Variants in VWC2L observed in about 807,000 individuals in gnomAD.
VWC2L encodes the protein von Willebrand factor C domain-containing protein 2-like.
Under a neutral mutation model 21.6 loss-of-function variants are expected in VWC2L, and 10 were observed. The ratio of observed to expected loss-of-function variants is 0.46; its 90% CI spans 0.29 to 0.78. The LOEUF is 0.78. Among genes scored for constraint, VWC2L ranks in the 30% least tolerant of loss-of-function variants. The pLI is 0.10. For synonymous variants in VWC2L, 96 were observed against 94.3 expected, an observed-to-expected ratio of 1.02 and a Z score of -0.10; for missense variants, 209 against 277.1, an observed-to-expected ratio of 0.75 and a Z score of 1.74.
chr2:214,470,351 A>C (rs999234169), intron 3 of VWC2L, among the ~76,000 whole-genome samples: 5 of 152,160 alleles, frequency 3.3e-5, no homozygotes, highest in African/African-American at 1.2e-4. Flanking sequence ...AAATTAAATG[A>C]GTACATATTC....
chr2:214,536,579 T>G (rs949746353), intron 3 of VWC2L, among the ~76,000 whole-genome samples: 2 of 152,116 alleles, frequency 1.3e-5, no homozygotes, highest in East Asian at 3.9e-4. Flanking sequence ...TTATGCTTTT[T>G]GTGGAAAAAC....
chr2:214,517,769 G>T (rs1184940104), intron 3 of VWC2L, among the ~76,000 whole-genome samples: 1 of 152,160 alleles, frequency 6.6e-6, no homozygotes, highest in Non-Finnish European at 1.5e-5. Context: ...TTGGTTAAAA[G>T]ATGCCAAAAA....
chr2:214,527,763 C>T (rs1365806744), intron 3 of VWC2L, among the ~76,000 whole-genome samples: 1 of 152,066 alleles, frequency 6.6e-6, no homozygotes, highest in Non-Finnish European at 1.5e-5. Flanking sequence ...ATTTTATTGC[C>T]TCAAAGTACC....
chr2:214,577,200 C>A lies in VWC2L; in HGVS notation c.*1380C>A, dbSNP rs1690243735. 1 of 152,198 alleles carries A rather than the reference C, an allele frequency of 6.6e-6. No homozygotes were observed. Among genetic ancestry groups the A allele is most frequent in the Admixed American group, 6.5e-5 (1 of 15,278 alleles). The allele number at this position is 152,198 out of a possible 1,614,324, so 9.4% of individuals were successfully genotyped here. On this transcript the variant is annotated 3_prime_UTR_variant, in exon 4 of 4. Transcript: ENST00000312504. ...AGATCTGATAGGGTCCTTGAAGAGA[C>A]TTTACAGTTGTCTTTATTATCAATG...
intron 3 of VWC2L, among the ~76,000 whole-genome samples, chr2:214,520,751 A>C (rs1481847283): frequency 1.3e-5 from 2 of 152,222 alleles, no homozygotes; most frequent in African/African-American, 4.8e-5. Context: ...GCATTAAAAC[A>C]AAGAATACAA....
chr2:214,512,092 G>T (rs1295785335), intron 3 of VWC2L, among the ~76,000 whole-genome samples: 1 of 151,876 alleles, frequency 6.6e-6, no homozygotes, highest in Admixed American at 6.6e-5. Flanking sequence ...TTTGATTATA[G>T]TCTTGATATC....
At position 214,515,536 on chromosome 2, in the gene VWC2L, CATTTATTTATTTATTTT is replaced by C. The variant is rs1398955586; in HGVS notation, c.521-60118_521-60102del. Among the ~76,000 whole-genome samples, 6 of 152,120 alleles carry C rather than the reference CATTTATTTATTTATTTT, an allele frequency of 3.9e-5. No homozygotes were observed. The South Asian group carries it at 1.0e-3, about 26-fold the overall frequency. ...AGTTGGCAAAATCCACATGGTTTTT[CATTTATTTATTTATTTT>C]ATTTATTTATTTATTTTTGAGACGG... On this transcript the variant is annotated intron_variant, in intron 3 of 3. Coordinates refer to ENST00000312504, the MANE Select transcript of VWC2L (RefSeq NM_001080500.4).
At chr2:214,563,576 A>AAAAAAAAAAAAAAAAAAC (rs1690012601) in intron 3 of VWC2L, among the ~76,000 whole-genome samples, 1 of 116,464 alleles carries the variant, frequency 8.6e-6, no homozygotes, top group Non-Finnish European at 1.9e-5. Flanking sequence ...AAAAAAAAAA[A>AAAAAAAAAAAAAAAAAAC]AAAAATCAAG....
At chr2:214,507,410 A>C (rs1435309232) in intron 3 of VWC2L, among the ~76,000 whole-genome samples, 1 of 152,222 alleles carries the variant, frequency 6.6e-6, no homozygotes, top group African/African-American at 2.4e-5. Context: ...CAAAGAAATA[A>C]AGGATAATGA....
At chr2:214,520,500 A>G (rs1239805801) in intron 3 of VWC2L, among the ~76,000 whole-genome samples, 1 of 152,142 alleles carries the variant, frequency 6.6e-6, no homozygotes, top group Admixed American at 6.5e-5. Flanking sequence ...TTCATGATTC[A>G]CTTATTTCCC....
chr2:214,561,412 C>G (rs536268604), intron 3 of VWC2L, among the ~76,000 whole-genome samples: 1 of 152,172 alleles, frequency 6.6e-6, no homozygotes, highest in East Asian at 1.9e-4. Context: ...ATGTGAGCCA[C>G]ACATGTAATT....
chr2:214,476,469 A>T (rs2126195124), intron 3 of VWC2L, among the ~76,000 whole-genome samples: 1 of 152,228 alleles, frequency 6.6e-6, no homozygotes, highest in South Asian at 2.1e-4. Flanking sequence ...AATGACAATG[A>T]TTGTGGGGGT....
At chr2:214,521,239 A>G (rs1689235366) in intron 3 of VWC2L, among the ~76,000 whole-genome samples, 1 of 18,592 alleles carries the variant, frequency 5.4e-5, no homozygotes, top group African/African-American at 2.0e-4. Flanking sequence ...TCAAAGATAA[A>G]TAAATAAATA....
intron 3 of VWC2L, among the ~76,000 whole-genome samples, chr2:214,548,763 C>A (rs1450859012): frequency 1.3e-5 from 2 of 152,138 alleles, no homozygotes. Context: ...GCACTAATAG[C>A]AGCATTTGTA....
Position 214,467,088 on chromosome 2 carries a change from G to A in VWC2L, c.520+30330G>A, listed in dbSNP as rs1574580605. ...TCCTCTTTTTATGCCTGGCTTTTAA[G>A]ATTTGTTCAGCATTACCAGTACAGC... On this transcript the variant is annotated intron_variant, in intron 3 of 3. Coordinates refer to ENST00000312504, the MANE Select transcript of VWC2L (RefSeq NM_001080500.4). Among the ~76,000 whole-genome samples, 5 of 152,298 alleles carry A rather than the reference G, an allele frequency of 3.3e-5. No homozygotes were observed. The South Asian group carries it at 1.0e-3, about 32-fold the overall frequency.
At chr2:214,544,409 A>G (rs1167882584) in intron 3 of VWC2L, among the ~76,000 whole-genome samples, 1 of 152,156 alleles carries the variant, frequency 6.6e-6, no homozygotes, top group Non-Finnish European at 1.5e-5. Context: ...GGAGCTGCTC[A>G]CCCAAACTGG....
chr2:214,480,461 G>A (rs1688586403), intron 3 of VWC2L, among the ~76,000 whole-genome samples: 1 of 152,148 alleles, frequency 6.6e-6, no homozygotes, highest in South Asian at 2.1e-4. Flanking sequence ...AAGGAGATAT[G>A]TTAGCATTCA....
At chr2:214,527,065 C>G (rs1474122861) in intron 3 of VWC2L, among the ~76,000 whole-genome samples, 1 of 152,006 alleles carries the variant, frequency 6.6e-6, no homozygotes, top group Non-Finnish European at 1.5e-5. Context: ...TACTACACAG[C>G]CATAAAAAAG....
At chr2:214,517,130 G>A (rs760464925) in intron 3 of VWC2L, among the ~76,000 whole-genome samples, 11 of 152,246 alleles carry the variant, frequency 7.2e-5, no homozygotes, top group South Asian at 2.1e-4. Context: ...TTCTAAATTC[G>A]TTGTTCTAAT....
Sources: allele counts gnomAD v4.1 joint callset (sites outside exome capture counted in the v4.1 genomes callset), GRCh38; gene constraint gnomAD v4.1.1; transcripts MANE v1.5; gene names NCBI Gene and HGNC (gene_info 2026-07-23, HGNC 2026-07-21).